C10orf71: variants seen among roughly 807,000 people sequenced by gnomAD.
C10orf71 encodes the protein cardiac-enriched FHL2-interacting protein.
For missense variants in C10orf71, 1,869 were observed against 1,804.5 expected, an observed-to-expected ratio of 1.04 and a Z score of -0.65; for synonymous variants, 758 against 726.3, an observed-to-expected ratio of 1.04 and a Z score of -0.70.
chr10:49,302,982 T>C (rs565056038), intron 1 of C10orf71, among the ~76,000 whole-genome samples: 1 of 152,332 alleles, frequency 6.6e-6, no homozygotes, highest in East Asian at 1.9e-4. Context: ...ATTAGTCCTG[T>C]GAGCATTAAC....
At chr10:49,300,839 C>T (rs889954568) in intron 1 of C10orf71, among the ~76,000 whole-genome samples, 9 of 152,114 alleles carry the variant, frequency 5.9e-5, no homozygotes, top group South Asian at 2.1e-4. Flanking sequence ...CAACTGTGTG[C>T]GGTGGGTAAG....
At chr10:49,301,010 T>A (rs1848719667) in intron 1 of C10orf71, among the ~76,000 whole-genome samples, 1 of 152,192 alleles carries the variant, frequency 6.6e-6, no homozygotes, top group Admixed American at 6.5e-5. Context: ...GTCTTTGTCT[T>A]TTCCTGACCC....
intron 2 of C10orf71, 123 bp from the exon 3 acceptor site, chr10:49,322,279 C>A: frequency 2.5e-6 from 1 of 394,280 alleles, no homozygotes; most frequent in East Asian, 4.8e-5. Flanking sequence ...ATACATATAG[C>A]AAGCTTGCCA....
chr10:49,324,020 A>G lies in C10orf71; in HGVS notation c.1475A>G (p.Tyr492Cys), dbSNP rs1849158852. ...EPSECQSRDS[Y>C]KSKAPSLLFN... Reference sequence around the variant, plus strand: ...AGTGAATGTCAGTCTCGAGACAGCTACAAGTCCAAAGCCCCTAGCCTGCTG... The same window carrying G: ...AGTGAATGTCAGTCTCGAGACAGCTGCAAGTCCAAAGCCCCTAGCCTGCTG... The change falls in exon 3 of 3, where the codon TAC (tyrosine) becomes TGC (cysteine). Residue 492 changes from tyrosine to cysteine, a missense_variant. Coordinates refer to ENST00000374144, the MANE Select transcript of C10orf71 (RefSeq NM_001135196.2). 1.2e-6 allele frequency: 2 copies of G among 1,613,536 alleles called. No homozygotes were observed. Among genetic ancestry groups the G allele is most frequent in the African/African-American group, 1.3e-5 (1 of 74,892 alleles).
At chr10:49,305,605 A>G (rs1239863892) in intron 1 of C10orf71, among the ~76,000 whole-genome samples, 2 of 152,242 alleles carry the variant, frequency 1.3e-5, no homozygotes, top group Non-Finnish European at 2.9e-5. Context: ...AGGCATAGGC[A>G]CTGTGTGGAG....
chr10:49,321,428 T>G (rs1849091912), intron 2 of C10orf71, among the ~76,000 whole-genome samples: 2 of 152,254 alleles, frequency 1.3e-5, no homozygotes, highest in Admixed American at 6.5e-5. Context: ...TTCCATTGTA[T>G]GCATATACCA....
At chr10:49,316,700 T>C (rs1849004859) in intron 2 of C10orf71, among the ~76,000 whole-genome samples, 1 of 152,142 alleles carries the variant, frequency 6.6e-6, no homozygotes, top group Admixed American at 6.5e-5. Flanking sequence ...TCCCAGAGCG[T>C]AGTGAAAGCT....
chr10:49,312,419 AATTG>A (rs1848931102), intron 1 of C10orf71, among the ~76,000 whole-genome samples: 2 of 152,236 alleles, frequency 1.3e-5, no homozygotes, highest in African/African-American at 4.8e-5. Context: ...AGTCCTGCAC[AATTG>A]CCTGGAGGCA....
chr10:49,311,725 A>T (rs1315888774), intron 1 of C10orf71, among the ~76,000 whole-genome samples: 1 of 152,240 alleles, frequency 6.6e-6, no homozygotes, highest in African/African-American at 2.4e-5. Flanking sequence ...GACAGAAGAG[A>T]CATTCCAGGA....
intron 2 of C10orf71, among the ~76,000 whole-genome samples, chr10:49,320,553 G>A (rs956433441): frequency 6.6e-5 from 10 of 152,298 alleles, no homozygotes; most frequent in East Asian, 1.9e-4. Flanking sequence ...CTTAATCTTC[G>A]ATCATGCTTG....
Position 49,323,576 on chromosome 10 carries a change from C to A in C10orf71, c.1031C>A (p.Ser344Tyr). 6.2e-7 allele frequency: 1 copy of A among 1,605,956 alleles called. No individual in the cohort carries two copies. The highest frequency in any genetic ancestry group is 8.5e-7 in the Non-Finnish European group (1 of 1,175,942). ...EENRLAAGAL[S>Y]TSIPWGCRDP... Reference sequence around the variant, plus strand: ...AACAGACTTGCAGCAGGGGCTCTGTCCACATCTATACCCTGGGGGTGCAGG... The same window carrying A: ...AACAGACTTGCAGCAGGGGCTCTGTACACATCTATACCCTGGGGGTGCAGG... The change falls in exon 3 of 3, where the codon TCC (serine) becomes TAC (tyrosine). Residue 344 changes from serine to tyrosine, a missense_variant. By Grantham distance (144) the Ser-to-Tyr change is moderately radical (BLOSUM62 -2). Coordinates refer to ENST00000374144, the MANE Select transcript of C10orf71 (RefSeq NM_001135196.2).
At chr10:49,310,893 A>C (rs1210428686) in intron 1 of C10orf71, among the ~76,000 whole-genome samples, 1 of 152,124 alleles carries the variant, frequency 6.6e-6, no homozygotes, top group Non-Finnish European at 1.5e-5. Flanking sequence ...TGTTAGTATG[A>C]GTGTATCCCA....
intron 1 of C10orf71, among the ~76,000 whole-genome samples, chr10:49,307,200 C>T (rs543115438): frequency 1.2e-4 from 18 of 152,260 alleles, no homozygotes; most frequent in East Asian, 3.9e-4. Flanking sequence ...CACAAGGAGA[C>T]GCCAAGGGCA....
chr10:49,297,236 G>A (rs1024614082), upstream of C10orf71, among the ~76,000 whole-genome samples: 1 of 152,224 alleles, frequency 6.6e-6, no homozygotes, highest in African/African-American at 2.4e-5. Context: ...TTCAGCTCAT[G>A]TTACTCACAC....
intron 1 of C10orf71, among the ~76,000 whole-genome samples, chr10:49,312,531 A>C (rs1366064669): frequency 6.6e-6 from 1 of 152,258 alleles, no homozygotes; most frequent in Non-Finnish European, 1.5e-5. Context: ...GCCCCAGGTA[A>C]TGTACTCAAC....
intron 2 of C10orf71, among the ~76,000 whole-genome samples, chr10:49,320,371 C>T (rs1849073833): frequency 6.6e-6 from 1 of 152,144 alleles, no homozygotes; most frequent in African/African-American, 2.4e-5. Flanking sequence ...CTCTACTGGC[C>T]ACCCCCACAG....
At chr10:49,317,639 C>G (rs184705720) in intron 2 of C10orf71, among the ~76,000 whole-genome samples, 2 of 152,110 alleles carry the variant, frequency 1.3e-5, no homozygotes, top group Admixed American at 1.3e-4. Flanking sequence ...TTACTTGAGC[C>G]TGGGAGTTCA....
chr10:49,323,331 T>C lies in C10orf71; in HGVS notation c.786T>C (p.Pro262=). 1 of 1,613,830 alleles carries C rather than the reference T, an allele frequency of 6.2e-7. No homozygotes were observed. Among genetic ancestry groups the C allele is most frequent in the Non-Finnish European group, 8.5e-7 (1 of 1,179,830 alleles). Residue 262 remains proline, a synonymous_variant, in exon 3 of 3, where the codon CCT becomes CCC. Coordinates refer to ENST00000374144, the MANE Select transcript of C10orf71 (RefSeq NM_001135196.2). ...SPHHKPVTGE[P]GRGKGTFLHS... ...ACCACAAGCCAGTCACGGGTGAGCC[T>C]GGGAGAGGCAAAGGTACCTTTCTGC...
chr10:49,316,693 C>A lies in C10orf71; in HGVS notation c.-145+446C>A, dbSNP rs1849004595. ...GAAATGTCAGGGGCCAGGCATGTCC[C>A]AGAGCGTAGTGAAAGCTCCACCACC... On this transcript the variant is annotated intron_variant, in intron 2 of 2. Transcript: ENST00000374144. Among the ~76,000 whole-genome samples, 3 of 152,178 alleles carry A rather than the reference C, an allele frequency of 2.0e-5. 1 individual carries two copies. The South Asian group carries it at 6.2e-4, about 32-fold the overall frequency.
Sources: gnomAD v4.1 joint callset for allele counts (sites outside exome capture counted in the v4.1 genomes callset) on GRCh38, gnomAD v4.1.1 for gene constraint, MANE v1.5 for transcripts, NCBI Gene and HGNC (gene_info 2026-07-23, HGNC 2026-07-21) for gene names.